RIMS2: variants seen among roughly 807,000 people sequenced by gnomAD.
RIMS2 encodes the protein regulating synaptic membrane exocytosis protein 2.
RIMS2 carries 59 observed loss-of-function variants against 174.4 expected under a neutral mutation model. The ratio of observed to expected loss-of-function variants is 0.34; its 90% confidence interval spans 0.27 to 0.42. The LOEUF is 0.42. Among genes scored for constraint, RIMS2 ranks in the 10% least tolerant of loss-of-function variants. The pLI is 1.00. For synonymous variants in RIMS2, 606 were observed against 572.5 expected (o/e 1.06, Z -0.84); for missense variants, 1,620 against 1,666.3 (o/e 0.97, Z 0.48).
chr8:103,588,775 CT>C (rs1192919575), intron 1 of RIMS2, among the ~76,000 whole-genome samples: 1 of 151,874 alleles, frequency 6.6e-6, no homozygotes, highest in African/African-American at 2.4e-5. Flanking sequence ...GGATTAAAGA[CT>C]GAAATTTAGG....
At chr8:103,588,701 T>G (rs1018376292) in intron 1 of RIMS2, among the ~76,000 whole-genome samples, 10 of 151,766 alleles carry the variant, frequency 6.6e-5, no homozygotes, top group Non-Finnish European at 1.3e-4. Flanking sequence ...AAACTGGATA[T>G]CCATATGCAG....
intron 19 of RIMS2, among the ~76,000 whole-genome samples, chr8:104,166,561 A>G (rs2098799433): frequency 6.6e-6 from 1 of 152,120 alleles, no homozygotes; most frequent in Admixed American, 6.5e-5. Flanking sequence ...CAAACTTTTT[A>G]TTTAAGCAAA....
chr8:103,942,748 C>T (rs369837745), intron 13 of RIMS2, 25 bp from the exon 16 acceptor site: 42 of 1,558,640 alleles, frequency 2.7e-5, no homozygotes, highest in African/African-American at 9.5e-5. Context: ...ATATTATAAC[C>T]GTCCTTTGTC....
intron 4 of RIMS2, among the ~76,000 whole-genome samples, chr8:103,893,241 A>T (rs921578904): frequency 5.9e-5 from 9 of 152,212 alleles, no homozygotes; most frequent in African/African-American, 1.9e-4. Context: ...CTAGAATTCC[A>T]GCTTTGGGGT....
intron 3 of RIMS2, among the ~76,000 whole-genome samples, chr8:103,797,607 C>T (rs1167059211): frequency 6.6e-6 from 1 of 152,162 alleles, no homozygotes; most frequent in Non-Finnish European, 1.5e-5. Flanking sequence ...ACCATCTTAA[C>T]ATGCATAAAA....
At chr8:103,525,348 G>C (rs16870474) in intron 1 of RIMS2, among the ~76,000 whole-genome samples, 18,875 of 152,154 alleles carry the variant, frequency 0.12, 1,268 homozygotes, top group Middle Eastern at 0.22. Flanking sequence ...ATAGCTCTTA[G>C]AAAAGTTGAC....
At chr8:104,193,122 T>C (rs2099006134) in intron 19 of RIMS2, among the ~76,000 whole-genome samples, 1 of 148,222 alleles carries the variant, frequency 6.7e-6, no homozygotes, top group Non-Finnish European at 1.5e-5. Flanking sequence ...AGAATGGTTA[T>C]TCTAATTTTC....
intron 3 of RIMS2, among the ~76,000 whole-genome samples, chr8:103,778,980 G>T (rs2098352479): frequency 6.6e-6 from 1 of 152,038 alleles, no homozygotes; most frequent in Non-Finnish European, 1.5e-5. Flanking sequence ...GATTTGATTT[G>T]CATTTCTCTG....
intron 10 of RIMS2, among the ~76,000 whole-genome samples, chr8:103,923,556 A>G (rs2154530066): frequency 6.6e-6 from 1 of 152,004 alleles, no homozygotes; most frequent in Admixed American, 6.6e-5. Flanking sequence ...TAGAAGTTTC[A>G]CTTCTAAATT....
chr8:103,756,393 T>TG (rs1436402425), intron 2 of RIMS2, among the ~76,000 whole-genome samples: 4 of 150,824 alleles, frequency 2.7e-5, no homozygotes, highest in African/African-American at 7.3e-5. Context: ...TGTTTTTGTT[T>TG]TTTTTTTTTT....
chr8:103,520,753 C>T (rs1233188175), intron 1 of RIMS2, among the ~76,000 whole-genome samples: 4 of 151,926 alleles, frequency 2.6e-5, no homozygotes, highest in Non-Finnish European at 4.4e-5. Flanking sequence ...CAAATTTTAT[C>T]GAAATAATAG....
At chr8:103,727,028 C>G (rs1198941956) in intron 2 of RIMS2, among the ~76,000 whole-genome samples, 1 of 151,514 alleles carries the variant, frequency 6.6e-6, no homozygotes, top group Non-Finnish European at 1.5e-5. Flanking sequence ...TGAGCCACCG[C>G]ACCCAGCCAA....
chr8:103,536,275 A>G (rs1326750332), intron 1 of RIMS2, among the ~76,000 whole-genome samples: 1 of 152,180 alleles, frequency 6.6e-6, no homozygotes, highest in Non-Finnish European at 1.5e-5. Context: ...CCAAATTAAA[A>G]ATTTAAAGTT....
At chr8:103,819,676 A>G in intron 3 of RIMS2, 1 of 1,461,794 alleles carries the variant, frequency 6.8e-7, no homozygotes, top group Non-Finnish European at 9.4e-7. Context: ...TTATTTTCAG[A>G]ATAATCTTAT....
intron 19 of RIMS2, among the ~76,000 whole-genome samples, chr8:104,019,636 T>C (rs989023480): frequency 1.3e-5 from 2 of 152,202 alleles, no homozygotes; most frequent in Non-Finnish European, 2.9e-5. Flanking sequence ...GCAAGTTTAA[T>C]TGCATATTTC....
At chr8:103,798,983 G>T (rs1339190239) in intron 3 of RIMS2, among the ~76,000 whole-genome samples, 1 of 151,026 alleles carries the variant, frequency 6.6e-6, no homozygotes, top group Non-Finnish European at 1.5e-5. Flanking sequence ...AGCAGGAAAA[G>T]GACGAAAATG....
intron 12 of RIMS2, among the ~76,000 whole-genome samples, chr8:103,934,101 T>C (rs1021896917): frequency 3.9e-5 from 6 of 152,166 alleles, no homozygotes; most frequent in African/African-American, 1.2e-4. Flanking sequence ...ATATATTTCT[T>C]CTTCTAATTT....
intron 1 of RIMS2, among the ~76,000 whole-genome samples, chr8:103,610,761 G>C (rs1350543300): frequency 1.3e-5 from 2 of 152,078 alleles, no homozygotes; most frequent in East Asian, 1.9e-4. Context: ...TTACATCTAT[G>C]TACATCAAAG....
chr8:103,609,204 T>C (rs1588933013), intron 1 of RIMS2, among the ~76,000 whole-genome samples: 2 of 152,104 alleles, frequency 1.3e-5, no homozygotes, highest in African/African-American at 4.8e-5. Context: ...AATGGAATTG[T>C]TTGTTTTTTG....
Sources: gnomAD v4.1 joint callset for allele counts (sites outside exome capture counted in the v4.1 genomes callset) on GRCh38, gnomAD v4.1.1 for gene constraint, MANE v1.5 for transcripts, NCBI Gene and HGNC (gene_info 2026-07-23, HGNC 2026-07-21) for gene names.